The following TCF4 variants were observed in gnomAD, a reference collection of about 807,000 sequenced individuals.
The protein encoded by TCF4 is transcription factor 4, also known as SL3-3 enhancer factor 2.
Under a neutral mutation model 82.1 loss-of-function variants are expected in TCF4, and 3 were observed. The ratio of observed to expected loss-of-function variants is 0.04; its 90% CI spans 0.02 to 0.09. The LOEUF is 0.09. Among genes scored for constraint, TCF4 ranks in the 10% least tolerant of loss-of-function variants. TCF4 has a pLI of 1.00. For synonymous variants in TCF4, 276 were observed against 309.6 expected (o/e 0.89, Z 1.14); for missense variants, 518 against 852.7 (o/e 0.61, Z 4.89).
intron 6 of TCF4, among the ~76,000 whole-genome samples, chr18:55,364,562 C>T (rs1362728210): frequency 6.6e-6 from 1 of 152,136 alleles, no homozygotes; most frequent in Non-Finnish European, 1.5e-5. Context: ...TCCAAGGGAA[C>T]TTTAGGTAGC....
At chr18:55,261,289 T>C in intron 12 of TCF4, 177 bp downstream of exon 12, 1 of 749,412 alleles carries the variant, frequency 1.3e-6, no homozygotes, top group Non-Finnish European at 2.4e-6. Flanking sequence ...AGAGACTATA[T>C]ACTGGAAGCT....
chr18:55,235,754 G>A (rs529771064), intron 15 of TCF4, among the ~76,000 whole-genome samples: 4 of 152,122 alleles, frequency 2.6e-5, no homozygotes, highest in Admixed American at 6.5e-5. Flanking sequence ...TACACAGGAC[G>A]GTGGGTCTAA....
At position 55,410,094 on chromosome 18, in the gene TCF4, T is replaced by C. The variant is rs533214750; in HGVS notation, c.305-6576A>G. 2.0e-4 allele frequency among the ~76,000 whole-genome samples: 31 copies of C among 151,980 alleles called. No individual in the cohort carries two copies. The South Asian group carries it at 4.4e-3, about 21-fold the overall frequency. On this transcript the variant is annotated intron_variant, in intron 5 of 19. Transcript: ENST00000354452. The stretch of plus-strand genomic sequence containing the variant: ...ACCTAGGAAATCCTATAAAGACAAA[T>C]GGGGGAAAAGGTAACTAACTAGGCA...
intron 3 of TCF4, among the ~76,000 whole-genome samples, chr18:55,547,564 G>C (rs532215290): frequency 6.6e-6 from 1 of 152,258 alleles, no homozygotes; most frequent in South Asian, 2.1e-4. Flanking sequence ...AAAACTACTT[G>C]AAAGGCTATT....
At chr18:55,537,549 T>G (rs949932038) in intron 3 of TCF4, among the ~76,000 whole-genome samples, 3 of 150,886 alleles carry the variant, frequency 2.0e-5, no homozygotes, top group African/African-American at 4.9e-5. Flanking sequence ...GCCATGATCA[T>G]GCCACTGCAC....
At chr18:55,365,214 T>C (rs940196456) in intron 6 of TCF4, among the ~76,000 whole-genome samples, 1 of 137,004 alleles carries the variant, frequency 7.3e-6, no homozygotes, top group Non-Finnish European at 1.5e-5. Flanking sequence ...TGTGTGTATA[T>C]ATATGTGTGT....
At chr18:55,561,133 A>G (rs1176974212) in intron 3 of TCF4, among the ~76,000 whole-genome samples, 4 of 152,140 alleles carry the variant, frequency 2.6e-5, no homozygotes, top group Admixed American at 6.6e-5. Context: ...CTGCCTTTCA[A>G]TCTTCTTTTG....
chr18:55,306,156 G>C (rs567477854), intron 8 of TCF4, among the ~76,000 whole-genome samples: 27 of 152,042 alleles, frequency 1.8e-4, no homozygotes, highest in African/African-American at 6.5e-4. Flanking sequence ...GTTCTACATA[G>C]AAGATAAATG....
chr18:55,437,464 T>A (rs1156957278), intron 5 of TCF4, among the ~76,000 whole-genome samples: 1 of 152,240 alleles, frequency 6.6e-6, no homozygotes, highest in Non-Finnish European at 1.5e-5. Flanking sequence ...TTTTCTTTGA[T>A]CTAAAAATTA....
chr18:55,437,766 G>C (rs1157422759), intron 5 of TCF4, among the ~76,000 whole-genome samples: 1 of 152,194 alleles, frequency 6.6e-6, no homozygotes, highest in Non-Finnish European at 1.5e-5. Flanking sequence ...TGCACAGCAA[G>C]GTTGAAGAAC....
rs1223789640 is a variant in TCF4, at chr18:55,234,585, A to C, written c.1449T>G (p.Thr483=). The change falls in exon 16 of 20, where the codon ACT becomes ACG. Residue 483 remains threonine (T), a synonymous_variant. Coordinates refer to ENST00000354452, the MANE Select transcript of TCF4 (RefSeq NM_001083962.2). The part of the protein sequence containing the change: ...PVPQLPVQSA[T]SPDLNPPQDP... ...CCTGGGGTGGGTTCAGGTCAGGGGA[A>C]GTCGCAGACTGGACAGGAAGCTGTG... 1 of 1,614,036 alleles carries C rather than the reference A, an allele frequency of 6.2e-7. No individual in the cohort carries two copies. Among genetic ancestry groups the C allele is most frequent in the African/African-American group, 1.3e-5 (1 of 74,920 alleles).
At chr18:55,603,609 CG>C (rs2097699436) in intron 2 of TCF4, among the ~76,000 whole-genome samples, 1 of 152,070 alleles carries the variant, frequency 6.6e-6, no homozygotes, top group Non-Finnish European at 1.5e-5. Context: ...GTGGAACAGG[CG>C]ACACAAACTC....
At chr18:55,406,390 G>A (rs1018376790) in intron 5 of TCF4, among the ~76,000 whole-genome samples, 2 of 151,318 alleles carry the variant, frequency 1.3e-5, no homozygotes, top group Admixed American at 6.6e-5. Flanking sequence ...ATAAAATCGC[G>A]ATTCCTATCA....
At chr18:55,340,375 G>C (rs2147945619) in intron 8 of TCF4, among the ~76,000 whole-genome samples, 1 of 151,842 alleles carries the variant, frequency 6.6e-6, no homozygotes, top group South Asian at 2.1e-4. Context: ...ATAGAGATGG[G>C]TTTGCAGAGC....
chr18:55,628,479 C>CT (rs894337352), intron 2 of TCF4, among the ~76,000 whole-genome samples: 3 of 152,024 alleles, frequency 2.0e-5, no homozygotes, highest in African/African-American at 4.8e-5. Context: ...TTTTAATAAT[C>CT]TTTTTTTCAC....
intron 5 of TCF4, among the ~76,000 whole-genome samples, chr18:55,427,538 A>G (rs1222829882): frequency 6.6e-6 from 1 of 152,188 alleles, no homozygotes; most frequent in East Asian, 1.9e-4. Context: ...TTTCCAATGA[A>G]CTGAGAACCC....
intron 5 of TCF4, among the ~76,000 whole-genome samples, chr18:55,428,630 C>G (rs1359497949): frequency 3.3e-5 from 5 of 152,190 alleles, no homozygotes; most frequent in South Asian, 2.1e-4. Context: ...TTCTTAGCTT[C>G]TCTGCTAGAT....
chr18:55,258,925 G>A (rs1022644282), intron 13 of TCF4, among the ~76,000 whole-genome samples: 1 of 152,036 alleles, frequency 6.6e-6, no homozygotes. Context: ...GTTTCAACGC[G>A]GTCTCTCTGG....
At chr18:55,236,653 T>C (rs2049531170) in intron 15 of TCF4, among the ~76,000 whole-genome samples, 1 of 152,216 alleles carries the variant, frequency 6.6e-6, no homozygotes, top group African/African-American at 2.4e-5. Flanking sequence ...GCTATTTTTA[T>C]ATTCATGCAT....
Sources: allele counts gnomAD v4.1 joint callset (sites outside exome capture counted in the v4.1 genomes callset), GRCh38; gene constraint gnomAD v4.1.1; transcripts MANE v1.5; gene names NCBI Gene and HGNC (gene_info 2026-07-23, HGNC 2026-07-21).